The following PAX7 variants were observed in gnomAD, a reference collection of about 807,000 sequenced individuals.
PAX7 encodes paired box 7, also known as paired box protein Pax-7.
PAX7 carries 18 observed loss-of-function variants against 50.7 expected under a neutral mutation model. The ratio of observed to expected loss-of-function variants is 0.36; its 90% CI spans 0.25 to 0.53. PAX7 has a LOEUF of 0.53. Among genes scored for constraint, PAX7 ranks in the 20% least tolerant of loss-of-function variants. The probability of loss-of-function intolerance (pLI) is 0.93; values close to 1 mark genes in which losing one functional copy is unlikely to be tolerated. For synonymous variants in PAX7, 310 were observed against 290.4 expected, an observed-to-expected ratio of 1.07 and a Z score of -0.69; for missense variants, 644 against 702.9, an observed-to-expected ratio of 0.92 and a Z score of 0.95.
At chr1:18,704,297 C>G (rs1319280351) in intron 7 of PAX7, among the ~76,000 whole-genome samples, 1 of 152,194 alleles carries the variant, frequency 6.6e-6, no homozygotes, top group South Asian at 2.1e-4. Context: ...GGCTTTTTTG[C>G]CACCACAGCA....
At position 18,646,339 on chromosome 1, in the gene PAX7, A is replaced by C. The variant is rs1570116510; in HGVS notation, c.586+9968A>C. ...AGGGGACACAGAGAGGTTTGCCCAG[A>C]GCTGCCTGTTACAGGCAATTACTGC... On this transcript the variant is annotated intron_variant, in intron 4 of 8. Coordinates refer to ENST00000420770, the MANE Select transcript of PAX7 (RefSeq NM_001135254.2). 3.9e-5 allele frequency among the ~76,000 whole-genome samples: 6 copies of C among 152,034 alleles called. 1 individual carries two copies. In the East Asian group the frequency reaches 1.2e-3, roughly 29 times the overall value.
At chr1:18,643,883 C>G (rs2088297841) in intron 4 of PAX7, among the ~76,000 whole-genome samples, 1 of 152,078 alleles carries the variant, frequency 6.6e-6, no homozygotes, top group Admixed American at 6.5e-5. Context: ...CGCTCCAACC[C>G]GGGGCGCTGG....
intron 7 of PAX7, among the ~76,000 whole-genome samples, chr1:18,704,354 C>T (rs2089258324): frequency 6.6e-6 from 1 of 152,194 alleles, no homozygotes; most frequent in Non-Finnish European, 1.5e-5. Context: ...AGCGTGGTGG[C>T]TCACACCTGT....
At position 18,634,346 on chromosome 1, in the gene PAX7, G is replaced by A; in HGVS notation, c.129G>A (p.Gly43=). ...LGQGRVNQLG[G]VFINGRPLPN... is the part of the protein sequence containing the mutation. ...AAGGCCGGGTCAATCAGCTGGGAGG[G>A]GTCTTCATCAATGGGCGACCCCTGC... Residue 43 remains glycine (G), a synonymous_variant, in exon 2 of 9, where the codon GGG becomes GGA. Coordinates refer to ENST00000420770, the MANE Select transcript of PAX7 (RefSeq NM_001135254.2). This position sits in a 1 kb window ranked among gnomAD's most constrained non-coding sequence, Gnocchi z 4.0. 1 of 1,613,988 alleles carries A rather than the reference G, an allele frequency of 6.2e-7. No homozygotes were observed. Among genetic ancestry groups the A allele is most frequent in the Non-Finnish European group, 8.5e-7 (1 of 1,180,004 alleles).
At chr1:18,724,129 C>T (rs538313309) in intron 7 of PAX7, among the ~76,000 whole-genome samples, 63 of 152,326 alleles carry the variant, frequency 4.1e-4, no homozygotes, top group South Asian at 6.2e-4. Context: ...GTGGCGTCAG[C>T]GGGCTCACCC....
chr1:18,743,608 C>T lies in PAX7; in HGVS notation c.1403-1206C>T, dbSNP rs551596143. Among the ~76,000 whole-genome samples the T allele has an allele frequency of 1.1e-4, 17 of 152,372 alleles. No homozygotes were observed. The East Asian group carries it at 2.7e-3, about 24-fold the overall frequency. ...TTTGGACTGGCCACAGCCACAGATC[C>T]CAGCTTGGGAGGCAGCATCTCTGTG... is the stretch of plus-strand genomic sequence containing the variant. On this transcript the variant is annotated intron_variant, in intron 8 of 8. Transcript: ENST00000420770.
intron 4 of PAX7, among the ~76,000 whole-genome samples, chr1:18,665,612 A>T (rs1359995617): frequency 1.3e-5 from 2 of 149,374 alleles, no homozygotes; most frequent in Admixed American, 6.7e-5. Flanking sequence ...TGACCTCGTG[A>T]TCCACCTGCC....
Position 18,635,493 on chromosome 1 carries a change from AGAAGGAAGGAAGGAAGGTAG to A in PAX7, c.451+269_451+288del, listed in dbSNP as rs371442144. ...GGAGAGAGAAATAAGAAAGGGAGGA[AGAAGGAAGGAAGGAAGGTAG>A]GAAGGAAGGAAGGAAAGAAGGAAGG... On this transcript the variant is annotated intron_variant, in intron 3 of 8. Transcript: ENST00000420770. 7.2e-3 allele frequency among the ~76,000 whole-genome samples: 494 copies of A among 68,826 alleles called. 5 individuals are homozygous for A. The highest frequency in any genetic ancestry group is 0.035 in the African/African-American group (475 of 13,410). The allele number at this position is 68,826 out of a possible 152,430, so 45.2% of individuals were successfully genotyped here. A position where few individuals can be genotyped will look rare whatever the true frequency, so the allele number is the denominator to read the frequency against.
At chr1:18,725,630 G>C (rs145959727) in intron 7 of PAX7, among the ~76,000 whole-genome samples, 2 of 152,358 alleles carry the variant, frequency 1.3e-5, no homozygotes, top group East Asian at 1.9e-4. Context: ...CCGCGTGAAA[G>C]TGTGCTAATT....
chr1:18,707,585 G>A (rs924135386), intron 7 of PAX7, among the ~76,000 whole-genome samples: 1 of 151,808 alleles, frequency 6.6e-6, no homozygotes, highest in African/African-American at 2.4e-5. Flanking sequence ...ACCATGCCCA[G>A]CTAATTTTTT....
rs970643881 is a variant in PAX7 at position 18,631,521 on chromosome 1, A to G, written c.-83A>G. On this transcript the variant is annotated 5_prime_UTR_variant, in exon 1 of 9. Coordinates refer to ENST00000420770, the MANE Select transcript of PAX7 (RefSeq NM_001135254.2). Reference sequence around the variant, plus strand: ...AAAAAAGAAGACGAAGAAGACGGAAAGAAAGAGATCGCAGCAGGGGTGAAG... The same window carrying G: ...AAAAAAGAAGACGAAGAAGACGGAAGGAAAGAGATCGCAGCAGGGGTGAAG... 1.8e-6 allele frequency: 2 copies of G among 1,139,370 alleles called. No homozygotes were observed. Among genetic ancestry groups the G allele is most frequent in the African/African-American group, 1.5e-5 (1 of 65,460 alleles). 70.6% of individuals were successfully genotyped at this position (1,139,370 alleles called of 1,614,324 possible).
chr1:18,726,794 G>A lies in PAX7; in HGVS notation c.1156-8838G>A, dbSNP rs1325564920. Reference sequence around the variant, plus strand: ...CTCTGCTTTCCTCTTCACTCAGACAGAGCCGGCCTCATGAGTCTTTCCAAG... The same window carrying A: ...CTCTGCTTTCCTCTTCACTCAGACAAAGCCGGCCTCATGAGTCTTTCCAAG... On this transcript the variant is annotated intron_variant, in intron 7 of 8. Coordinates refer to ENST00000420770, the MANE Select transcript of PAX7 (RefSeq NM_001135254.2). The surrounding 1 kb of genome is among the most constrained non-coding windows in gnomAD (Gnocchi z 4.8). Among the ~76,000 whole-genome samples the A allele has an allele frequency of 6.6e-6, 1 of 152,200 alleles. No homozygotes were observed. The highest frequency in any genetic ancestry group is 1.5e-5 in the Non-Finnish European group (1 of 68,036).
intron 4 of PAX7, among the ~76,000 whole-genome samples, chr1:18,663,463 A>G (rs1204485689): frequency 6.6e-6 from 1 of 151,854 alleles, no homozygotes; most frequent in East Asian, 1.9e-4. Context: ...GCTCATTGCA[A>G]CCTCTGCCTC....
chr1:18,700,557 G>A lies in PAX7; in HGVS notation c.787-96G>A. 3.4e-6 allele frequency: 4 copies of A among 1,164,376 alleles called. No individual in the cohort carries two copies. Among genetic ancestry groups the A allele is most frequent in the Non-Finnish European group, 3.5e-6 (3 of 850,144 alleles). The allele number at this position is 1,164,376 out of a possible 1,614,324, so 72.1% of individuals were successfully genotyped here. A position where few individuals can be genotyped will look rare whatever the true frequency, so the allele number is the denominator to read the frequency against. The stretch of plus-strand genomic sequence containing the variant: ...CTGCAGGAGGATGCTGGCTGGATCA[G>A]AGGGTGATGGCTTGGGCAACTGGGT... On this transcript the variant is annotated intron_variant, in intron 5 of 8. Transcript: ENST00000420770. This position sits in a 1 kb window ranked among gnomAD's most constrained non-coding sequence, Gnocchi z 4.8.
chr1:18,697,544 A>T (rs2089165277), intron 5 of PAX7, among the ~76,000 whole-genome samples: 1 of 152,130 alleles, frequency 6.6e-6, no homozygotes, highest in South Asian at 2.1e-4. Context: ...GGATAACAAA[A>T]ATTTTCCCAT....
chr1:18,717,325 C>A (rs1232454248), intron 7 of PAX7, among the ~76,000 whole-genome samples: 4 of 152,204 alleles, frequency 2.6e-5, no homozygotes, highest in Non-Finnish European at 5.9e-5. Context: ...GGCGAAGGGA[C>A]GGGCAGCCGG....
In PAX7 at chr1:18,745,009, A is replaced by C; in HGVS notation, c.*80A>C. The C allele has an allele frequency of 1.2e-6, 1 of 812,942 alleles. No individual in the cohort carries two copies. Among genetic ancestry groups the C allele is most frequent in the Non-Finnish European group, 2.0e-6 (1 of 491,996 alleles). The allele number at this position is 812,942 out of a possible 1,614,324, so 50.4% of individuals were successfully genotyped here. On this transcript the variant is annotated 3_prime_UTR_variant, in exon 9 of 9. Coordinates refer to ENST00000420770, the MANE Select transcript of PAX7 (RefSeq NM_001135254.2). ...CTGAGCTTCCCAGCCTTGCCGCCTC[A>C]CCCCCCTGTTGTCCTAGGAGGCCAG... is the stretch of plus-strand genomic sequence containing the variant.
rs1418164661 is a variant in PAX7 at position 18,748,571 on chromosome 1, A to T, written c.*3642A>T. 1 of 231,282 alleles carries T rather than the reference A, an allele frequency of 4.3e-6. No homozygotes were observed. Among genetic ancestry groups the T allele is most frequent in the African/African-American group, 2.2e-5 (1 of 45,156 alleles). The allele number at this position is 231,282 out of a possible 1,614,324, so 14.3% of individuals were successfully genotyped here. A position where few individuals can be genotyped will look rare whatever the true frequency, so the allele number is the denominator to read the frequency against. ...CTGACCTGGGAAATATTTACATAGT[A>T]CTCTAGATCATTCCTTCTTCCTAGT... On this transcript the variant is annotated 3_prime_UTR_variant, in exon 9 of 9. Transcript: ENST00000420770.
At chr1:18,709,062 T>C (rs751248798) in intron 7 of PAX7, among the ~76,000 whole-genome samples, 2 of 152,140 alleles carry the variant, frequency 1.3e-5, no homozygotes, top group Non-Finnish European at 2.9e-5. Flanking sequence ...AGGTGGTGTG[T>C]GCCAGGTGGG....
Sources: allele counts gnomAD v4.1 joint callset (sites outside exome capture counted in the v4.1 genomes callset), GRCh38; gene constraint gnomAD v4.1.1; non-coding constraint Gnocchi (gnomAD v3.1); transcripts MANE v1.5; gene names NCBI Gene and HGNC (gene_info 2026-07-23, HGNC 2026-07-21).